The following SUPT4H1 variants were observed in gnomAD, a reference collection of about 807,000 sequenced individuals.
SUPT4H1 encodes SPT4 homolog, DSIF elongation factor subunit, also known as transcription elongation factor SPT4.
SUPT4H1 carries 12 observed loss-of-function variants against 19.4 expected under a neutral mutation model. The ratio of observed to expected loss-of-function variants is 0.62; its 90% CI spans 0.40 to 1.00. The LOEUF is 1.00. Among genes scored for constraint, SUPT4H1 ranks in the 50% least tolerant of loss-of-function variants. The pLI is 0.00. For synonymous variants in SUPT4H1, 58 were observed against 56.3 expected (o/e 1.03, Z -0.14); for missense variants, 115 against 149.2 (o/e 0.77, Z 1.19).
intron 2 of SUPT4H1, among the ~76,000 whole-genome samples, chr17:58,347,798 C>T (rs979263764): frequency 2.6e-5 from 4 of 152,166 alleles, no homozygotes; most frequent in African/African-American, 4.8e-5. Context: ...GGTCAGTTTC[C>T]ATCCCCAAAA....
chr17:58,349,497 G>T (rs1972408665), intron 2 of SUPT4H1, among the ~76,000 whole-genome samples: 1 of 152,166 alleles, frequency 6.6e-6, no homozygotes, highest in Non-Finnish European at 1.5e-5. Context: ...AACTTATGAT[G>T]GGCTTATTAG....
rs541415985 is a variant in SUPT4H1, at chr17:58,347,216, C to T, written c.258G>A (p.Ala86=). 29 of 1,614,024 alleles carry T rather than the reference C, an allele frequency of 1.8e-5. No individual in the cohort carries two copies. Among genetic ancestry groups the T allele is most frequent in the Middle Eastern group, 1.6e-4 (1 of 6,062 alleles). Residue 86 remains alanine (A), a synonymous_variant, in exon 4 of 5, where the codon GCG becomes GCA. Transcript: ENST00000225504. The part of the protein sequence containing the change: ...RVSNFKPGVY[A]VSVTGRLPQG... ...GGGGCAGGCGACCAGTGACTGACAC[C>T]GCATATACACCTGGCTTAAAGTTAC...
chr17:58,347,596 A>G lies in SUPT4H1; in HGVS notation c.177-12T>C. On this transcript the variant is annotated splice_polypyrimidine_tract_variant and intron_variant, in intron 2 of 4. Transcript: ENST00000225504. ...TCATCGCAATGATTCTAGGGAGGGA[A>G]AAGAAATGGAGAGTCAGCCTGAGCC... The G allele has an allele frequency of 6.2e-7, 1 of 1,614,106 alleles. No individual in the cohort carries two copies. The highest frequency in any genetic ancestry group is 8.5e-7 in the Non-Finnish European group (1 of 1,179,956).
intron 2 of SUPT4H1, among the ~76,000 whole-genome samples, chr17:58,349,520 C>T (rs1171047337): frequency 2.0e-5 from 3 of 152,166 alleles, no homozygotes; most frequent in African/African-American, 2.4e-5. Context: ...TGTAACTCCT[C>T]GGAAGTTGAG....
At chr17:58,347,955 C>T (rs1012351539) in intron 2 of SUPT4H1, among the ~76,000 whole-genome samples, 3 of 152,168 alleles carry the variant, frequency 2.0e-5, no homozygotes, top group Non-Finnish European at 4.4e-5. Flanking sequence ...GTGAAAACAA[C>T]GGATCCTCCT....
At chr17:58,351,792 CCT>C in intron 1 of SUPT4H1, 1 of 572,876 alleles carries the variant, frequency 1.7e-6, no homozygotes. Context: ...TCCCCACCCG[CCT>C]CTGACTCCCA....
rs1472782398 is a variant in SUPT4H1 at position 58,346,027 on chromosome 17, C to T, written c.*219G>A. 7.7e-6 allele frequency: 4 copies of T among 521,516 alleles called. No homozygotes were observed. The African/African-American group carries it at 7.8e-5, about 10-fold the overall frequency. The allele number at this position is 521,516 out of a possible 1,614,324, so 32.3% of individuals were successfully genotyped here. A position where few individuals can be genotyped will look rare whatever the true frequency, so the allele number is the denominator to read the frequency against. On this transcript the variant is annotated 3_prime_UTR_variant, in exon 5 of 5. Coordinates refer to ENST00000225504, the MANE Select transcript of SUPT4H1 (RefSeq NM_003168.3). ...TAGGAAAATCAGCATCCTACTCTCT[C>T]CTCAATTCCATCTGTTAATCCACCA...
intron 2 of SUPT4H1, among the ~76,000 whole-genome samples, chr17:58,348,011 T>A (rs1348758861): frequency 6.6e-6 from 1 of 152,198 alleles, no homozygotes; most frequent in Non-Finnish European, 1.5e-5. Flanking sequence ...CTTAATGACC[T>A]ATACATATGG....
intron 1 of SUPT4H1, 106 bp from the exon 2 acceptor site, chr17:58,351,614 T>C (rs935367811): frequency 2.6e-6 from 2 of 779,266 alleles, no homozygotes; most frequent in East Asian, 5.0e-5. Flanking sequence ...CTTGTTTCCC[T>C]ATGTTGACTG....
chr17:58,347,476 A>G, intron 3 of SUPT4H1, 53 bp downstream of exon 3: 1 of 1,602,106 alleles, frequency 6.2e-7, no homozygotes, highest in Non-Finnish European at 8.6e-7. Context: ...AATGGACCTG[A>G]GGAACAGTAA....
At chr17:58,351,355 C>T (rs1487996150) in intron 2 of SUPT4H1, 47 bp downstream of exon 2, 3 of 1,345,876 alleles carry the variant, frequency 2.2e-6, no homozygotes, top group Non-Finnish European at 3.2e-6. Context: ...TCTCTGGGTG[C>T]AGGTTGGGTA....
chr17:58,347,441 T>G (rs1332047112), intron 3 of SUPT4H1, 88 bp downstream of exon 3: 2 of 1,513,944 alleles, frequency 1.3e-6, no homozygotes, highest in African/African-American at 1.4e-5. Context: ...CTGAGGTCAC[T>G]CATCTTGCTG....
chr17:58,347,524 C>T lies in SUPT4H1; in HGVS notation c.232+5G>A. The T allele has an allele frequency of 3.1e-6, 5 of 1,614,224 alleles. No individual in the cohort carries two copies. The highest frequency in any genetic ancestry group is 4.2e-6 in the Non-Finnish European group (5 of 1,180,032). On this transcript the variant is annotated splice_donor_5th_base_variant and intron_variant, in intron 3 of 4. Transcript: ENST00000225504. ...TAAGCCAAAAGGAGACAGGCCAACA[C>T]TTACTGACTCGCTGCCACTTGGAGA...
In SUPT4H1 at chr17:58,351,409, A is replaced by G. The variant is rs1402446891; in HGVS notation, c.169T>C (p.Phe57Leu). Residue 57 changes from phenylalanine (F) to leucine (L), a missense_variant, in exon 2 of 5, where the codon TTT (phenylalanine) becomes CTT (leucine). Coordinates refer to ENST00000225504, the MANE Select transcript of SUPT4H1 (RefSeq NM_003168.3). ...EMVYDCTSSS[F>L]DGIIAMMSPE... ...GAAACTGAAGCGGCTTACCCATCAAAGGAAGAGCTAGTGCAGTCATATACC... is the reference window on the plus strand; with the variant it reads ...GAAACTGAAGCGGCTTACCCATCAAGGGAAGAGCTAGTGCAGTCATATACC... The G allele has an allele frequency of 6.2e-7, 1 of 1,611,166 alleles. No homozygotes were observed. The highest frequency in any genetic ancestry group is 8.5e-7 in the Non-Finnish European group (1 of 1,178,004).
chr17:58,347,440 C>G, intron 3 of SUPT4H1, 89 bp downstream of exon 3: 2 of 1,511,912 alleles, frequency 1.3e-6, no homozygotes, highest in South Asian at 2.2e-5. Flanking sequence ...CCTGAGGTCA[C>G]TCATCTTGCT....
In SUPT4H1 at chr17:58,347,603, TG is replaced by T; in HGVS notation, c.177-20del. ...AATGATTCTAGGGAGGGAAAAGAAA[TG>T]GAGAGTCAGCCTGAGCCTCCCTGGG... is the stretch of plus-strand genomic sequence containing the variant. On this transcript the variant is annotated intron_variant, in intron 2 of 4. Transcript: ENST00000225504. The T allele has an allele frequency of 1.2e-6, 2 of 1,613,900 alleles. No homozygotes were observed. Among genetic ancestry groups the T allele is most frequent in the Non-Finnish European group, 1.7e-6 (2 of 1,179,802 alleles).
At chr17:58,347,857 A>G (rs1455619026) in intron 2 of SUPT4H1, among the ~76,000 whole-genome samples, 1 of 152,214 alleles carries the variant, frequency 6.6e-6, no homozygotes, top group Non-Finnish European at 1.5e-5. Flanking sequence ...ATTCCCTAGA[A>G]AATGAGACGG....
intron 4 of SUPT4H1, among the ~76,000 whole-genome samples, chr17:58,346,824 C>A (rs114794147): frequency 0.018 from 2,716 of 151,506 alleles, 31 homozygotes; most frequent in Middle Eastern, 0.037. Flanking sequence ...TACATGTAGT[C>A]ATCAAAAGCA....
chr17:58,352,181 G>C lies in SUPT4H1; in HGVS notation c.-46C>G. ...ACAGGGAGATAGACGACCACAGCCT[G>C]TGCACCCGCAGGAAGTAAATAGCTC... On this transcript the variant is annotated 5_prime_UTR_variant, in exon 1 of 5. Coordinates refer to ENST00000225504, the MANE Select transcript of SUPT4H1 (RefSeq NM_003168.3). 2.5e-6 allele frequency: 4 copies of C among 1,588,482 alleles called. No homozygotes were observed. The highest frequency in any genetic ancestry group is 8.6e-7 in the Non-Finnish European group (1 of 1,157,362).
Sources: allele counts gnomAD v4.1 joint callset (sites outside exome capture counted in the v4.1 genomes callset), GRCh38; gene constraint gnomAD v4.1.1; transcripts MANE v1.5; gene names NCBI Gene and HGNC (gene_info 2026-07-23, HGNC 2026-07-21).